PTPN3: variants seen among roughly 807,000 people sequenced by gnomAD.
PTPN3 encodes tyrosine-protein phosphatase non-receptor type 3.
A neutral mutation model predicts 132.7 loss-of-function variants in PTPN3; 96 were observed. That is an observed-to-expected ratio of 0.72 (90% CI 0.61 to 0.86). The LOEUF is 0.86. Among genes scored for constraint, PTPN3 ranks in the 40% least tolerant of loss-of-function variants. The pLI is 0.00. For synonymous variants in PTPN3, 398 were observed against 429.0 expected (o/e 0.93, Z 0.89); for missense variants, 1,125 against 1,159.6 (o/e 0.97, Z 0.43).
chr9:109,477,563 C>A (rs1281828653), intron 1 of PTPN3, among the ~76,000 whole-genome samples: 1 of 152,236 alleles, frequency 6.6e-6, no homozygotes, highest in Non-Finnish European at 1.5e-5. Context: ...TAGTAAATGA[C>A]TTCCTCCCAC....
chr9:109,420,667 C>T (rs1255659265), intron 13 of PTPN3, 67 bp from the exon 14 acceptor site: 4 of 1,487,534 alleles, frequency 2.7e-6, no homozygotes, highest in Non-Finnish European at 3.7e-6. Context: ...TTATTAGACA[C>T]CAGTGAACCT....
At chr9:109,528,567 G>A in the PTPN3 span, among the ~76,000 whole-genome samples, 1 of 152,284 alleles carries the variant, frequency 6.6e-6, no homozygotes, top group South Asian at 2.1e-4. Context: ...TTTATCTTTG[G>A]CAGTTTTTAA....
intron 7 of PTPN3, among the ~76,000 whole-genome samples, chr9:109,438,865 A>C (rs1195846485): frequency 2.0e-5 from 3 of 152,184 alleles, no homozygotes; most frequent in African/African-American, 7.2e-5. Flanking sequence ...GCAACAGCAA[A>C]GTTCCTAGGG....
chr9:109,388,942 C>T (rs748488471), intron 22 of PTPN3, among the ~76,000 whole-genome samples: 1 of 152,244 alleles, frequency 6.6e-6, no homozygotes, highest in Non-Finnish European at 1.5e-5. Flanking sequence ...AGGACCAGCA[C>T]TTGTCCTGAA....
intron 9 of PTPN3, among the ~76,000 whole-genome samples, chr9:109,433,562 T>C (rs1843813269): frequency 6.6e-6 from 1 of 152,192 alleles, no homozygotes; most frequent in African/African-American, 2.4e-5. Flanking sequence ...TATTTTGAAA[T>C]GATGATGAAA....
chr9:109,499,031 G>A (rs1847807619), upstream of PTPN3, among the ~76,000 whole-genome samples: 1 of 151,874 alleles, frequency 6.6e-6, no homozygotes, highest in East Asian at 1.9e-4. Flanking sequence ...GCATTTAACA[G>A]TGATTTATCC....
In PTPN3 at chr9:109,381,669, T is replaced by C; in HGVS notation, c.2647A>G (p.Met883Val). The change falls in exon 25 of 26, where the codon ATG (methionine) becomes GTG (valine). Residue 883 changes from methionine (M) to valine (V), a missense_variant. Coordinates refer to ENST00000374541, the MANE Select transcript of PTPN3 (RefSeq NM_002829.4). ...IVRKMRDQRAMMVQTSSQYKF... is the reference protein window; with the variant it reads ...IVRKMRDQRAVMVQTSSQYKF... ...CTACTCACTGATGTCTGCACCATCA[T>C]GGCGCGCTGGTCTCGCATTTTTCGG... is the stretch of plus-strand genomic sequence containing the variant. 6.2e-7 allele frequency: 1 copy of C among 1,614,232 alleles called. No homozygotes were observed.
chr9:109,417,854 T>C lies in PTPN3; in HGVS notation c.1313+2570A>G, dbSNP rs535745423. 6.1e-4 allele frequency: 561 copies of C among 916,956 alleles called. 1 individual carries two copies. Among genetic ancestry groups the C allele is most frequent in the Admixed American group, 1.2e-3 (20 of 16,186 alleles). The allele number at this position is 916,956 out of a possible 1,614,324, so 56.8% of individuals were successfully genotyped here. On this transcript the variant is annotated intron_variant, in intron 14 of 25. Coordinates refer to ENST00000374541, the MANE Select transcript of PTPN3 (RefSeq NM_002829.4). ...CTATTCTTAACATTTAGCTGCAAGATAAAAAGAGCCCCAAGATGACACACT... is the reference window on the plus strand; with the variant it reads ...CTATTCTTAACATTTAGCTGCAAGACAAAAAGAGCCCCAAGATGACACACT...
the PTPN3 span, among the ~76,000 whole-genome samples, chr9:109,516,897 C>T: frequency 6.6e-6 from 1 of 152,100 alleles, no homozygotes; most frequent in Non-Finnish European, 1.5e-5. Flanking sequence ...GATGGTGACA[C>T]CATTCATTTA....
chr9:109,444,337 A>G (rs992318017), intron 7 of PTPN3, among the ~76,000 whole-genome samples: 14 of 152,280 alleles, frequency 9.2e-5, no homozygotes, highest in African/African-American at 3.1e-4. Flanking sequence ...GCATCTACCC[A>G]CAGGACTTGG....
At position 109,383,699 on chromosome 9, in the gene PTPN3, C is replaced by T; in HGVS notation, c.2254-148G>A. On this transcript the variant is annotated intron_variant, in intron 22 of 25. Coordinates refer to ENST00000374541, the MANE Select transcript of PTPN3 (RefSeq NM_002829.4). ...AAACAAACTCAGCCAAGTCCATCAG[C>T]TGTTTCTCAGGGCGGGGTGGGGGCA... is the stretch of plus-strand genomic sequence containing the variant. The T allele has an allele frequency of 3.3e-6, 4 of 1,219,036 alleles. No homozygotes were observed. In the South Asian group the frequency reaches 5.9e-5, roughly 18 times the overall value. The allele number at this position is 1,219,036 out of a possible 1,614,324, so 75.5% of individuals were successfully genotyped here.
intron 25 of PTPN3, among the ~76,000 whole-genome samples, chr9:109,381,003 C>A (rs925902679): frequency 1.3e-5 from 2 of 152,110 alleles, no homozygotes; most frequent in Non-Finnish European, 2.9e-5. Context: ...CCTGTCTCTG[C>A]ACCCTTCTTT....
At chr9:109,448,894 GAAAT>G (rs1564452446) in intron 5 of PTPN3, 39 bp from the exon 6 acceptor site, 3 of 1,236,570 alleles carry the variant, frequency 2.4e-6, no homozygotes. Flanking sequence ...TACTCAAACT[GAAAT>G]AAGCAAAAAA....
At chr9:109,396,812 A>G (rs1246605571) in intron 19 of PTPN3, among the ~76,000 whole-genome samples, 2 of 152,196 alleles carry the variant, frequency 1.3e-5, no homozygotes, top group Non-Finnish European at 2.9e-5. Context: ...TTTTTGGCTT[A>G]AATATTTCTT....
chr9:109,415,025 T>G (rs1029871843), intron 14 of PTPN3, among the ~76,000 whole-genome samples: 17 of 152,134 alleles, frequency 1.1e-4, no homozygotes, highest in Middle Eastern at 6.8e-3. Flanking sequence ...TAACCATTTG[T>G]CCGTCTGTCC....
intron 19 of PTPN3, among the ~76,000 whole-genome samples, chr9:109,393,682 C>T (rs1840327063): frequency 6.6e-6 from 1 of 152,048 alleles, no homozygotes; most frequent in East Asian, 1.9e-4. Context: ...ATACATATAA[C>T]CAAGTTGCCC....
chr9:109,415,088 A>ATCCG (rs1298775872), intron 14 of PTPN3, among the ~76,000 whole-genome samples: 9 of 86,308 alleles, frequency 1.0e-4, no homozygotes, highest in Non-Finnish European at 2.0e-4. Flanking sequence ...CCATCCATCC[A>ATCCG]TCCATCCATC....
chr9:109,487,843 C>T, intron 1 of PTPN3, among the ~76,000 whole-genome samples: 1 of 152,274 alleles, frequency 6.6e-6, no homozygotes, highest in East Asian at 1.9e-4. Flanking sequence ...AAAACACACC[C>T]AAGATCTGGG....
At chr9:109,530,027 G>T in the PTPN3 span, among the ~76,000 whole-genome samples, 2 of 152,080 alleles carry the variant, frequency 1.3e-5, no homozygotes, top group South Asian at 4.2e-4. Context: ...GGGATTACAG[G>T]TGCGAGCCAC....
Sources: gnomAD v4.1 joint callset for allele counts (sites outside exome capture counted in the v4.1 genomes callset) on GRCh38, gnomAD v4.1.1 for gene constraint, MANE v1.5 for transcripts, NCBI Gene and HGNC (gene_info 2026-07-23, HGNC 2026-07-21) for gene names.